The following ZCCHC17 variants were observed in gnomAD, a reference collection of about 807,000 sequenced individuals.
The protein encoded by ZCCHC17 is zinc finger CCHC-type containing 17.
A neutral mutation model predicts 30.6 loss-of-function variants in ZCCHC17; 18 were observed. The ratio of observed to expected loss-of-function variants is 0.59; its 90% CI spans 0.41 to 0.87. ZCCHC17 has a LOEUF of 0.87. ZCCHC17 is among the 40% of genes least tolerant of loss of function. ZCCHC17 has a pLI of 0.00. For missense variants in ZCCHC17, 263 were observed against 284.2 expected, an observed-to-expected ratio of 0.93 and a Z score of 0.54; for synonymous variants, 88 against 92.4, an observed-to-expected ratio of 0.95 and a Z score of 0.27.
At chr1:31,304,985 C>T (rs939259340) in intron 1 of ZCCHC17, among the ~76,000 whole-genome samples, 3 of 152,154 alleles carry the variant, frequency 2.0e-5, no homozygotes, top group East Asian at 1.9e-4. Context: ...AAGCAGAATA[C>T]GTTGTTACAG....
intron 7 of ZCCHC17, among the ~76,000 whole-genome samples, chr1:31,350,114 G>T (rs578108314): frequency 5.3e-5 from 8 of 152,188 alleles, no homozygotes; most frequent in Non-Finnish European, 1.2e-4. Context: ...CAGTGCATTT[G>T]TAGCATGCTA....
At chr1:31,305,066 C>T (rs1569736604) in intron 1 of ZCCHC17, among the ~76,000 whole-genome samples, 1 of 152,176 alleles carries the variant, frequency 6.6e-6, no homozygotes, top group East Asian at 1.9e-4. Context: ...GGGAGATTAA[C>T]TGTGAATCAG....
intron 2 of ZCCHC17, chr1:31,318,128 G>A (rs750841053): frequency 1.4e-6 from 2 of 1,453,868 alleles, no homozygotes; most frequent in Non-Finnish European, 1.9e-6. Flanking sequence ...GTAAATAGCA[G>A]TGCAGTCAGG....
intron 6 of ZCCHC17, 101 bp from the exon 7 acceptor site, chr1:31,348,728 C>A: frequency 7.0e-7 from 1 of 1,428,144 alleles, no homozygotes; most frequent in South Asian, 1.2e-5. Context: ...ACAATATTTC[C>A]TGAGCCAGCT....
chr1:31,346,560 A>G, intron 5 of ZCCHC17, 80 bp from the exon 6 acceptor site: 2 of 1,447,658 alleles, frequency 1.4e-6, no homozygotes, highest in Non-Finnish European at 1.8e-6. Context: ...AAAACAAAAA[A>G]CCAACATACA....
chr1:31,326,747 G>A (rs953220622), intron 3 of ZCCHC17, among the ~76,000 whole-genome samples: 1 of 152,192 alleles, frequency 6.6e-6, no homozygotes, highest in Non-Finnish European at 1.5e-5. Context: ...AAGCCTCAGA[G>A]GGAGAGCTCA....
intron 7 of ZCCHC17, among the ~76,000 whole-genome samples, chr1:31,357,002 A>G (rs1557460762): frequency 1.3e-5 from 2 of 152,320 alleles, no homozygotes; most frequent in Non-Finnish European, 1.5e-5. Flanking sequence ...CATTAATCAT[A>G]TGCCATCGTA....
intron 7 of ZCCHC17, among the ~76,000 whole-genome samples, chr1:31,349,480 G>A (rs570268150): frequency 2.6e-5 from 4 of 151,288 alleles, no homozygotes; most frequent in East Asian, 1.9e-4. Flanking sequence ...ACAGGCATGC[G>A]CCACCATGCC....
intron 7 of ZCCHC17, among the ~76,000 whole-genome samples, chr1:31,356,280 A>G (rs984240147): frequency 1.3e-5 from 2 of 152,222 alleles, no homozygotes; most frequent in Non-Finnish European, 2.9e-5. Flanking sequence ...ATCCAAGGAC[A>G]GGAAATGCAG....
At chr1:31,361,183 A>G (rs1325841569) in intron 7 of ZCCHC17, among the ~76,000 whole-genome samples, 1 of 152,164 alleles carries the variant, frequency 6.6e-6, no homozygotes, top group Non-Finnish European at 1.5e-5. Context: ...CATGGTTGTT[A>G]TAGCTCGGTA....
chr1:31,316,740 T>C (rs886553690), intron 2 of ZCCHC17, among the ~76,000 whole-genome samples: 1 of 152,204 alleles, frequency 6.6e-6, no homozygotes, highest in African/African-American at 2.4e-5. Context: ...TAAGCATCTG[T>C]GTGATTGTAC....
At chr1:31,339,582 G>T (rs143182594) in intron 5 of ZCCHC17, among the ~76,000 whole-genome samples, 1 of 152,160 alleles carries the variant, frequency 6.6e-6, no homozygotes, top group African/African-American at 2.4e-5. Flanking sequence ...AAACGTTAAC[G>T]TACCAAGCTC....
chr1:31,328,686 G>A (rs566874723), intron 3 of ZCCHC17, among the ~76,000 whole-genome samples: 13 of 152,222 alleles, frequency 8.5e-5, no homozygotes, highest in African/African-American at 2.9e-4. Flanking sequence ...GGAGTGGAGT[G>A]GGATCGGGTA....
chr1:31,349,186 A>T (rs1639382474), intron 7 of ZCCHC17, among the ~76,000 whole-genome samples: 1 of 152,004 alleles, frequency 6.6e-6, no homozygotes, highest in South Asian at 2.1e-4. Flanking sequence ...ACATAGTGAG[A>T]CCCAATCTCT....
rs145438512 is a variant in ZCCHC17 at position 31,320,485 on chromosome 1, A to G, written c.124+1319A>G. Reference sequence around the variant, plus strand: ...TTAGCCATCACTCCAGATTCTCTCTATGCCCCCAGCTTTAGGCAATCATTA... The same window carrying G: ...TTAGCCATCACTCCAGATTCTCTCTGTGCCCCCAGCTTTAGGCAATCATTA... On this transcript the variant is annotated intron_variant, in intron 3 of 7. Transcript: ENST00000344147. Among the ~76,000 whole-genome samples the G allele has an allele frequency of 1.4e-3, 218 of 152,272 alleles. 1 individual carries two copies. Among genetic ancestry groups the G allele is most frequent in the African/African-American group, 4.9e-3 (204 of 41,562 alleles).
At chr1:31,349,126 G>A (rs187134478) in intron 7 of ZCCHC17, 152 bp downstream of exon 7, 35 of 854,562 alleles carry the variant, frequency 4.1e-5, no homozygotes, top group East Asian at 5.8e-5. Context: ...TTAAGGCTGC[G>A]GTGCGCTATG....
chr1:31,315,280 C>A (rs966801195), intron 2 of ZCCHC17, among the ~76,000 whole-genome samples: 2 of 152,072 alleles, frequency 1.3e-5, no homozygotes, highest in South Asian at 4.2e-4. Context: ...AAAATGGAGC[C>A]CAAGCCTCAC....
In ZCCHC17 at chr1:31,310,180, C is replaced by T. The variant is rs747414705; in HGVS notation, c.66+16C>T. On this transcript the variant is annotated intron_variant, in intron 2 of 7. Transcript: ENST00000344147. ...CCAAGGAGAGGTATATTCTTTTGTG[C>T]TTTGAAAACCCACCATTTATGTTAA... The T allele has an allele frequency of 6.8e-6, 11 of 1,612,856 alleles. No homozygotes were observed. In the South Asian group the frequency reaches 1.1e-4, roughly 16 times the overall value.
chr1:31,345,573 T>TATATATATAATATAATATAC (rs1639237598), intron 5 of ZCCHC17, among the ~76,000 whole-genome samples: 5 of 139,356 alleles, frequency 3.6e-5, no homozygotes, highest in Non-Finnish European at 6.1e-5. Flanking sequence ...ATATAATATA[T>TATATATATAATATAATATAC]ATATATATAT....
Sources: gnomAD v4.1 joint callset for allele counts (sites outside exome capture counted in the v4.1 genomes callset) on GRCh38, gnomAD v4.1.1 for gene constraint, MANE v1.5 for transcripts, NCBI Gene and HGNC (gene_info 2026-07-23, HGNC 2026-07-21) for gene names.